TMPRSS15: variants seen among roughly 807,000 people sequenced by gnomAD.
TMPRSS15 encodes enteropeptidase.
In TMPRSS15, 128 loss-of-function variants were observed where a neutral mutation model predicts 125.3. That is an observed-to-expected ratio of 1.02 (90% CI 0.89 to 1.18). The LOEUF (loss-of-function observed/expected upper bound fraction) is 1.18, where lower values mean the gene tolerates loss of function less well. TMPRSS15 is among the 50% of genes most tolerant of loss of function. The pLI, the probability that TMPRSS15 is intolerant of heterozygous loss-of-function variation, is 0.00. For synonymous variants in TMPRSS15, 446 were observed against 423.2 expected, an observed-to-expected ratio of 1.05 and a Z score of -0.66; for missense variants, 1,283 against 1,212.7, an observed-to-expected ratio of 1.06 and a Z score of -0.86.
intron 1 of TMPRSS15, 148 bp downstream of exon 1, chr21:18,403,330 T>A: frequency 9.8e-7 from 1 of 1,023,172 alleles, no homozygotes; most frequent in Non-Finnish European, 1.5e-6. Context: ...AAATATTTTG[T>A]CATGAAGATT....
Position 18,359,837 on chromosome 21 carries a change from AG to A in TMPRSS15, c.799del (p.Leu267Ter). ...ATATGTATTAAAATCATCGAAGCTC[AG>A]TTTAATGGAAAGTCCTTGGTTTACA... ...IRVNQGLSIK[L>X]SFDDFNTYYT... On this transcript the variant is annotated frameshift_variant, in exon 8 of 25. Coordinates refer to ENST00000284885, the MANE Select transcript of TMPRSS15 (RefSeq NM_002772.3). LOFTEE classifies it high-confidence loss of function. The A allele has an allele frequency of 6.5e-7, 1 of 1,526,986 alleles. No homozygotes were observed. 94.6% of individuals were successfully genotyped at this position (1,526,986 alleles called of 1,614,324 possible). A position where few individuals can be genotyped will look rare whatever the true frequency, so the allele number is the denominator to read the frequency against.
intron 3 of TMPRSS15, among the ~76,000 whole-genome samples, chr21:18,397,553 A>T: frequency 6.6e-6 from 1 of 152,222 alleles, no homozygotes; most frequent in Non-Finnish European, 1.5e-5. Context: ...GGGTGATACA[A>T]TATTATTTTA....
intron 13 of TMPRSS15, among the ~76,000 whole-genome samples, chr21:18,339,889 T>G (rs2146982972): frequency 6.6e-6 from 1 of 152,316 alleles, no homozygotes; most frequent in East Asian, 1.9e-4. Flanking sequence ...AATGTCACGC[T>G]TCCAATTTGA....
At chr21:18,452,187 G>T (rs1374243488) in intron 1 of TMPRSS15, among the ~76,000 whole-genome samples, 1 of 152,074 alleles carries the variant, frequency 6.6e-6, no homozygotes, top group Admixed American at 6.6e-5. Context: ...GGATATGTTA[G>T]TAACATATTT....
intron 16 of TMPRSS15, among the ~76,000 whole-genome samples, chr21:18,321,047 A>G (rs1241912786): frequency 6.6e-6 from 1 of 152,184 alleles, no homozygotes; most frequent in East Asian, 1.9e-4. Flanking sequence ...GGAGGGCTCA[A>G]ACCCCCTAAA....
chr21:18,362,215 G>C (rs1250625630), intron 7 of TMPRSS15, among the ~76,000 whole-genome samples: 2 of 152,140 alleles, frequency 1.3e-5, no homozygotes, highest in Admixed American at 6.6e-5. Flanking sequence ...TTCAAGGACT[G>C]GGGGAGTGAG....
chr21:18,315,284 G>T, intron 16 of TMPRSS15, 28 bp from the exon 17 acceptor site: 1 of 1,568,078 alleles, frequency 6.4e-7, no homozygotes, highest in South Asian at 1.1e-5. Context: ...TTATTGTATA[G>T]GATAAAGAAA....
intron 1 of TMPRSS15, among the ~76,000 whole-genome samples, chr21:18,412,549 A>G (rs1389308787): frequency 6.6e-6 from 1 of 152,224 alleles, no homozygotes; most frequent in East Asian, 1.9e-4. Context: ...GCCACTATCC[A>G]AATAAATTCA....
At chr21:18,449,470 C>T (rs1424243574) in intron 1 of TMPRSS15, among the ~76,000 whole-genome samples, 1 of 152,024 alleles carries the variant, frequency 6.6e-6, no homozygotes, top group South Asian at 2.1e-4. Context: ...AATTGTGTAA[C>T]TTAAGGATTA....
chr21:18,278,924 G>GTTTGTTTTTTTTTT lies in TMPRSS15; in HGVS notation c.2764+39_2764+40insAAAAAAAAAACAAA, dbSNP rs769392758. On this transcript the variant is annotated intron_variant, in intron 23 of 24. Transcript: ENST00000284885. ...TGACAGTCTGTTTTTCACCAGTAAG[G>GTTTGTTTTTTTTTT]TTTTTTTTTTTTTTTTTTTTTTTGA... 2.3e-5 allele frequency: 10 copies of GTTTGTTTTTTTTTT among 440,154 alleles called. 1 individual carries two copies. The African/African-American group carries it at 2.6e-4, about 12-fold the overall frequency. 27.3% of individuals were successfully genotyped at this position (440,154 alleles called of 1,614,324 possible). A position where few individuals can be genotyped will look rare whatever the true frequency, so the allele number is the denominator to read the frequency against.
At position 18,343,570 on chromosome 21, in the gene TMPRSS15, T is replaced by C; in HGVS notation, c.1364A>G (p.Glu455Gly). 6.2e-7 allele frequency: 1 copy of C among 1,613,484 alleles called. No homozygotes were observed. Among genetic ancestry groups the C allele is most frequent in the Non-Finnish European group, 8.5e-7 (1 of 1,179,494 alleles). The change falls in exon 12 of 25, where the codon GAA becomes GGA. Residue 455 changes from glutamate (E) to glycine (G), a missense_variant. Physicochemically the swap from Glu to Gly is moderately conservative, Grantham distance 98. Coordinates refer to ENST00000284885, the MANE Select transcript of TMPRSS15 (RefSeq NM_002772.3). ...QNMEKTVFQK[E>G]GNYGDNWNYG... is the part of the protein sequence containing the mutation. ...ATTCCAATTGTCTCCATAATTTCCT[T>C]CCTTTTGGAAAACTGTCTTCTCCAT...
Position 18,395,397 on chromosome 21 carries a change from C to G in TMPRSS15, c.344+2482G>C, listed in dbSNP as rs146444526. On this transcript the variant is annotated intron_variant, in intron 3 of 24. Coordinates refer to ENST00000284885, the MANE Select transcript of TMPRSS15 (RefSeq NM_002772.3). ...CTCTGAACCACACATTAATAATTCA[C>G]GACAGACTGATAATCTAAAACTTCA... 6.9e-3 allele frequency among the ~76,000 whole-genome samples: 1,046 copies of G among 152,268 alleles called. 11 individuals are homozygous for G. The highest frequency in any genetic ancestry group is 0.014 in the Admixed American group (211 of 15,296).
At chr21:18,280,957 G>T (rs2146870886) in intron 22 of TMPRSS15, 83 bp downstream of exon 22, 3 of 1,353,056 alleles carry the variant, frequency 2.2e-6, no homozygotes, top group East Asian at 2.3e-5. Context: ...ATGAATTAAT[G>T]CATTGACATT....
In TMPRSS15 at chr21:18,366,155, A is replaced by AT. The variant is rs1001023420; in HGVS notation, c.665-908dup. Among the ~76,000 whole-genome samples the AT allele has an allele frequency of 6.6e-5, 10 of 152,264 alleles. No individual in the cohort carries two copies. In the East Asian group the frequency reaches 1.2e-3, roughly 18 times the overall value. On this transcript the variant is annotated intron_variant, in intron 6 of 24. Coordinates refer to ENST00000284885, the MANE Select transcript of TMPRSS15 (RefSeq NM_002772.3). The stretch of plus-strand genomic sequence containing the variant: ...TGCCAGTTCAGACAAATAACCAGTC[A>AT]TTTTTTGTCTTATTTTTATAATTAA...
chr21:18,336,207 G>A (rs918511730), intron 13 of TMPRSS15, among the ~76,000 whole-genome samples: 1 of 151,970 alleles, frequency 6.6e-6, no homozygotes, highest in Non-Finnish European at 1.5e-5. Flanking sequence ...TACAATAAGA[G>A]GGTTTTAATT....
rs1291098020 is a variant in TMPRSS15, at chr21:18,275,229, C to T, written c.2872G>A (p.Gly958Ser). ...YNITENMICA[G>S]YEEGGIDSCQ... ...GAATCTATTCCTCCTTCTTCATAGC[C>T]TGCACATATCATATTTTCAGTAATG... Residue 958 changes from glycine to serine, a missense_variant, in exon 24 of 25, where the codon GGC (glycine) becomes AGC (serine). Physicochemically the swap from Gly to Ser is moderately conservative, Grantham distance 56. Coordinates refer to ENST00000284885, the MANE Select transcript of TMPRSS15 (RefSeq NM_002772.3). 1 of 1,614,058 alleles carries T rather than the reference C, an allele frequency of 6.2e-7. No individual in the cohort carries two copies. Among genetic ancestry groups the T allele is most frequent in the East Asian group, 2.2e-5 (1 of 44,872 alleles).
Position 18,352,843 on chromosome 21 carries a change from C to A in TMPRSS15, c.1171+60G>T. On this transcript the variant is annotated intron_variant, in intron 10 of 24. Coordinates refer to ENST00000284885, the MANE Select transcript of TMPRSS15 (RefSeq NM_002772.3). ...CTTTACACTGCAGTACAACACATACCTCTTTCCTTTTGATTTATGAATTAA... is the reference window on the plus strand; with the variant it reads ...CTTTACACTGCAGTACAACACATACATCTTTCCTTTTGATTTATGAATTAA... The A allele has an allele frequency of 2.6e-6, 4 of 1,563,294 alleles. No homozygotes were observed. In the South Asian group the frequency reaches 4.5e-5, roughly 17 times the overall value.
At chr21:18,285,376 A>G (rs949277147) in intron 21 of TMPRSS15, among the ~76,000 whole-genome samples, 3 of 152,230 alleles carry the variant, frequency 2.0e-5, no homozygotes, top group African/African-American at 7.2e-5. Flanking sequence ...GAGCATCACA[A>G]CAGGCTGAAG....
intron 1 of TMPRSS15, among the ~76,000 whole-genome samples, chr21:18,475,386 G>A (rs954700825): frequency 6.6e-6 from 1 of 152,114 alleles, no homozygotes; most frequent in Non-Finnish European, 1.5e-5. Context: ...GGCCACACAC[G>A]TTAGAGACCA....
Sources: gnomAD v4.1 joint callset for allele counts (sites outside exome capture counted in the v4.1 genomes callset) on GRCh38, gnomAD v4.1.1 for gene constraint, MANE v1.5 for transcripts, NCBI Gene and HGNC (gene_info 2026-07-23, HGNC 2026-07-21) for gene names.